EXOC6: variants seen among roughly 807,000 people sequenced by gnomAD.
The protein encoded by EXOC6 is exocyst complex component 6, also known as SEC15-like 1.
A neutral mutation model predicts 112.5 loss-of-function variants in EXOC6; 60 were observed. The ratio of observed to expected loss-of-function variants is 0.53; its 90% CI spans 0.43 to 0.66. The LOEUF is 0.66. Among genes scored for constraint, EXOC6 ranks in the 30% least tolerant of loss-of-function variants. The probability of loss-of-function intolerance (pLI) is 0.00; values close to 1 mark genes in which losing one functional copy is unlikely to be tolerated. For missense variants in EXOC6, 855 were observed against 957.1 expected (o/e 0.89, Z 1.41); for synonymous variants, 295 against 308.0 (o/e 0.96, Z 0.44).
chr10:93,024,527 G>T (rs1844931288), intron 20 of EXOC6, among the ~76,000 whole-genome samples: 2 of 152,108 alleles, frequency 1.3e-5, no homozygotes, highest in Non-Finnish European at 2.9e-5. Context: ...TGCCTCCGGG[G>T]TTCGAGCGAT....
chr10:92,985,828 A>C (rs539639464), intron 18 of EXOC6, among the ~76,000 whole-genome samples: 1 of 152,216 alleles, frequency 6.6e-6, no homozygotes, highest in Admixed American at 6.5e-5. Flanking sequence ...AGTAGTCAAC[A>C]GTACAATCAT....
At chr10:92,834,535 A>G (rs1269183461), upstream of EXOC6, among the ~76,000 whole-genome samples, 3 of 152,252 alleles carry the variant, frequency 2.0e-5, no homozygotes, top group Non-Finnish European at 4.4e-5. Context: ...GAAACAGGAC[A>G]GCAACAGCTG....
Position 92,899,678 on chromosome 10 carries a change from G to A in EXOC6, c.458+34G>A, listed in dbSNP as rs760427537. 3 of 1,518,778 alleles carry A rather than the reference G, an allele frequency of 2.0e-6. No individual in the cohort carries two copies. The Admixed American group carries it at 5.3e-5, about 27-fold the overall frequency. The allele number at this position is 1,518,778 out of a possible 1,614,324, so 94.1% of individuals were successfully genotyped here. On this transcript the variant is annotated intron_variant, in intron 5 of 21. Coordinates refer to ENST00000260762, the MANE Select transcript of EXOC6 (RefSeq NM_019053.6). The stretch of plus-strand genomic sequence containing the variant: ...GTTTTTTTCCTATTGTTTTAAATAA[G>A]AATTTTTTTCTATTATTGAAAGGAC...
At chr10:92,898,608 C>G (rs1849966990) in intron 4 of EXOC6, among the ~76,000 whole-genome samples, 1 of 152,128 alleles carries the variant, frequency 6.6e-6, no homozygotes, top group African/African-American at 2.4e-5. Flanking sequence ...GCAGCAGGCT[C>G]TCTCCCAGTT....
chr10:92,842,321 T>A lies in EXOC6; in HGVS notation c.86+7497T>A, dbSNP rs2246701. 6.4e-3 allele frequency among the ~76,000 whole-genome samples: 927 copies of A among 144,414 alleles called. 16 individuals carry two copies. The highest frequency in any genetic ancestry group is 0.023 in the African/African-American group (877 of 38,276). The allele number at this position is 144,414 out of a possible 152,430, so 94.7% of individuals were successfully genotyped here. A position where few individuals can be genotyped will look rare whatever the true frequency, so the allele number is the denominator to read the frequency against. Reference sequence around the variant, plus strand: ...TTGCAGTGAGCTGAGATCACACCATTGCACTCCAGCCTGGGCAACAGAGCG... The same window carrying A: ...TTGCAGTGAGCTGAGATCACACCATAGCACTCCAGCCTGGGCAACAGAGCG... On this transcript the variant is annotated intron_variant, in intron 1 of 21. Transcript: ENST00000371552.
intron 17 of EXOC6, 113 bp downstream of exon 17, chr10:92,955,827 T>C (rs945520156): frequency 1.0e-6 from 1 of 960,492 alleles, no homozygotes; most frequent in South Asian, 2.0e-5. Context: ...AAATTAAGAA[T>C]AGAGGTATTC....
intron 12 of EXOC6, among the ~76,000 whole-genome samples, chr10:92,936,762 T>C (rs1276822226): frequency 1.8e-4 from 27 of 152,186 alleles, no homozygotes; most frequent in Non-Finnish European, 1.5e-5. Context: ...TTAGAAACAA[T>C]ATTACGGGGT....
At position 92,974,050 on chromosome 10, in the gene EXOC6, C is replaced by G. The variant is rs1842402177; in HGVS notation, c.1774-3C>G. The G allele has an allele frequency of 1.3e-6, 2 of 1,582,854 alleles. No individual in the cohort carries two copies. The highest frequency in any genetic ancestry group is 2.7e-5 in the African/African-American group (2 of 73,018). ...TCTTTGTTGTTATTTTGTCCCATGT[C>G]AGGATGCTCGACATGCAGCAGAAGG... On this transcript the variant is annotated splice_region_variant and splice_polypyrimidine_tract_variant and intron_variant, in intron 17 of 21. Coordinates refer to ENST00000260762, the MANE Select transcript of EXOC6 (RefSeq NM_019053.6).
At chr10:92,847,466 A>C (rs138362475), upstream of EXOC6, among the ~76,000 whole-genome samples, 1 of 152,180 alleles carries the variant, frequency 6.6e-6, no homozygotes, top group African/African-American at 2.4e-5. Flanking sequence ...AAAGCTCACT[A>C]AGGGTGAGTG....
chr10:93,051,916 C>T (rs1398244648), intron 20 of EXOC6, among the ~76,000 whole-genome samples: 1 of 152,150 alleles, frequency 6.6e-6, no homozygotes, highest in Non-Finnish European at 1.5e-5. Flanking sequence ...TGCAAAGCAA[C>T]TCTGAGGTCC....
intron 20 of EXOC6, among the ~76,000 whole-genome samples, chr10:93,050,759 C>CAAAAAAAAAAAAAAAA (rs58439083): frequency 0.028 from 1,044 of 37,296 alleles, 338 homozygotes; most frequent in Middle Eastern, 0.091. Context: ...GACTCCGTCT[C>CAAAAAAAAAAAAAAAA]AAAAAAAAAA....
chr10:92,914,519 C>T (rs1850975411), intron 6 of EXOC6, among the ~76,000 whole-genome samples: 1 of 152,052 alleles, frequency 6.6e-6, no homozygotes, highest in Admixed American at 6.5e-5. Flanking sequence ...TAGTTTTGTG[C>T]ATAACATAAT....
rs974068234 is a variant in EXOC6, at chr10:92,899,701, G to T, written c.458+57G>T. On this transcript the variant is annotated intron_variant, in intron 5 of 21. Transcript: ENST00000260762. ...AAGAATTTTTTTCTATTATTGAAAGGACAGATACATTTACTATAAATCATA... is the reference window on the plus strand; with the variant it reads ...AAGAATTTTTTTCTATTATTGAAAGTACAGATACATTTACTATAAATCATA... 1.5e-5 allele frequency: 18 copies of T among 1,211,446 alleles called. No homozygotes were observed. The African/African-American group carries it at 2.3e-4, about 15-fold the overall frequency. The allele number at this position is 1,211,446 out of a possible 1,614,324, so 75.0% of individuals were successfully genotyped here. A position where few individuals can be genotyped will look rare whatever the true frequency, so the allele number is the denominator to read the frequency against.
Position 93,017,401 on chromosome 10 carries a change from C to T in EXOC6, c.2169+3134C>T, listed in dbSNP as rs191323256. 6.5e-3 allele frequency among the ~76,000 whole-genome samples: 967 copies of T among 149,290 alleles called. 18 individuals carry two copies. The highest frequency in any genetic ancestry group is 0.023 in the African/African-American group (917 of 40,620). ...GTCAGGAGATAGAAACCATCCTGGC[C>T]AACACGGTGAAACCCTGTCTCTTCT... On this transcript the variant is annotated intron_variant, in intron 20 of 21. Transcript: ENST00000260762.
At chr10:92,946,271 G>A (rs1441350382) in intron 13 of EXOC6, among the ~76,000 whole-genome samples, 2 of 152,100 alleles carry the variant, frequency 1.3e-5, no homozygotes, top group Admixed American at 1.3e-4. Context: ...ACTCCAGCCT[G>A]GGTGACAGAG....
chr10:92,952,839 C>T (rs1359589661), intron 15 of EXOC6, among the ~76,000 whole-genome samples: 5 of 152,062 alleles, frequency 3.3e-5, no homozygotes, highest in African/African-American at 9.7e-5. Flanking sequence ...TTTCTTTATC[C>T]AATCCAACAT....
intron 1 of EXOC6, among the ~76,000 whole-genome samples, chr10:92,865,859 T>G (rs1484090186): frequency 6.6e-6 from 1 of 152,058 alleles, no homozygotes; most frequent in East Asian, 1.9e-4. Context: ...ATAAAGTAAG[T>G]GAGAGAAAAG....
intron 7 of EXOC6, among the ~76,000 whole-genome samples, chr10:92,918,660 G>A (rs1313277770): frequency 2.6e-5 from 4 of 152,148 alleles, no homozygotes; most frequent in Non-Finnish European, 5.9e-5. Flanking sequence ...CTGGCTTCAA[G>A]TGGTCCTTCT....
chr10:92,917,017 G>A (rs1851128355), intron 7 of EXOC6, among the ~76,000 whole-genome samples: 1 of 150,190 alleles, frequency 6.7e-6, no homozygotes, highest in South Asian at 2.1e-4. Context: ...AGGCTGGAGT[G>A]CAGTGGCGCT....
Sources: gnomAD v4.1 joint callset for allele counts (sites outside exome capture counted in the v4.1 genomes callset) on GRCh38, gnomAD v4.1.1 for gene constraint, MANE v1.5 for transcripts, NCBI Gene and HGNC (gene_info 2026-07-23, HGNC 2026-07-21) for gene names.